SLC36A3: variants seen among roughly 807,000 people sequenced by gnomAD.
The protein encoded by SLC36A3 is proton-coupled amino acid transporter 3.
SLC36A3 carries 35 observed loss-of-function variants against 44.3 expected under a neutral mutation model. The observed-to-expected ratio is 0.79, with a 90% CI of 0.60 to 1.05. The LOEUF (loss-of-function observed/expected upper bound fraction) is 1.05, where lower values mean the gene tolerates loss of function less well. Among genes scored for constraint, SLC36A3 ranks in the 50% least tolerant of loss-of-function variants. The probability of loss-of-function intolerance (pLI) is 0.00; values close to 1 mark genes in which losing one functional copy is unlikely to be tolerated. For synonymous variants in SLC36A3, 211 were observed against 227.6 expected (o/e 0.93, Z 0.66); for missense variants, 540 against 578.7 (o/e 0.93, Z 0.69).
intron 6 of SLC36A3, among the ~76,000 whole-genome samples, chr5:151,286,384 A>G (rs1326391355): frequency 6.6e-6 from 1 of 152,160 alleles, no homozygotes; most frequent in East Asian, 1.9e-4. Flanking sequence ...CCTTGACCTC[A>G]TGGGCTCAGG....
chr5:151,281,691 A>G (rs910828331), intron 8 of SLC36A3, among the ~76,000 whole-genome samples: 3 of 151,960 alleles, frequency 2.0e-5, no homozygotes, highest in Admixed American at 1.3e-4. Flanking sequence ...GGTGGCATGC[A>G]CCTGTAGTCC....
At chr5:151,282,504 A>G (rs1048617943) in intron 8 of SLC36A3, among the ~76,000 whole-genome samples, 2 of 152,150 alleles carry the variant, frequency 1.3e-5, no homozygotes, top group African/African-American at 4.8e-5. Context: ...GTTCCCTGCC[A>G]GTACACATAG....
intron 6 of SLC36A3, among the ~76,000 whole-genome samples, chr5:151,286,610 T>C (rs373409200): frequency 6.6e-6 from 1 of 152,332 alleles, no homozygotes; most frequent in East Asian, 1.9e-4. Flanking sequence ...TTAGACCTAG[T>C]TGTTTCTTAA....
chr5:151,282,315 T>G (rs1754354620), intron 8 of SLC36A3, among the ~76,000 whole-genome samples: 1 of 151,696 alleles, frequency 6.6e-6, no homozygotes, highest in Non-Finnish European at 1.5e-5. Flanking sequence ...ATTACAGGCA[T>G]GCACCACCAT....
At chr5:151,281,319 A>G (rs927115975) in intron 8 of SLC36A3, 136 bp from the exon 9 acceptor site, 4 of 809,890 alleles carry the variant, frequency 4.9e-6, no homozygotes, top group Non-Finnish European at 7.7e-6. Context: ...TTCAAAATCC[A>G]AAACACTTCT....
intron 8 of SLC36A3, among the ~76,000 whole-genome samples, chr5:151,281,685 G>A (rs553891603): frequency 3.3e-5 from 5 of 152,248 alleles, no homozygotes; most frequent in African/African-American, 1.2e-4. Context: ...GGGCGTGGTG[G>A]CATGCACCTG....
In SLC36A3 at chr5:151,287,263, A is replaced by C. The variant is rs1754569309; in HGVS notation, c.691T>G (p.Phe231Val). 6.2e-7 allele frequency: 1 copy of C among 1,614,036 alleles called. No homozygotes were observed. The highest frequency in any genetic ancestry group is 8.5e-7 in the Non-Finnish European group (1 of 1,180,020). The stretch of plus-strand genomic sequence containing the variant: ...GCACAGACCTCCATGATATACTCAA[A>C]GATCAGAGCCATGCTCCCAAGGGTG... ...ITTLGSMALI[F>V]EYIMEGIPYP... Residue 231 changes from phenylalanine (F) to valine (V), a missense_variant, in exon 6 of 10, where the codon TTT (phenylalanine) becomes GTT (valine). Physicochemically the swap from Phe to Val is conservative, Grantham distance 50. Transcript: ENST00000335230.
intron 1 of SLC36A3, among the ~76,000 whole-genome samples, chr5:151,299,475 A>AC (rs1755100701): frequency 6.6e-6 from 1 of 151,572 alleles, no homozygotes; most frequent in Non-Finnish European, 1.5e-5. Context: ...TACTGTGCAT[A>AC]TAGAGTACTT....
intron 2 of SLC36A3, 117 bp from the exon 3 acceptor site, chr5:151,296,385 A>G: frequency 1.2e-6 from 1 of 814,072 alleles, no homozygotes. Context: ...TTGGGGTGAC[A>G]GACCCAGCCT....
chr5:151,281,087 G>A lies in SLC36A3; in HGVS notation c.1071C>T (p.Ala357=). The change falls in exon 9 of 10, where the codon GCC becomes GCT. Residue 357 remains alanine (A), a synonymous_variant. Coordinates refer to ENST00000335230, the MANE Select transcript of SLC36A3 (RefSeq NM_181774.4). ...CCCAGCTCTCTGACACTTGGGAGAT[G>A]GCAAACGGGATGATGATCTCAGCTG... ...HVPAEIIIPF[A]ISQVSESWAL... The A allele has an allele frequency of 6.2e-7, 1 of 1,614,180 alleles. No individual in the cohort carries two copies. Among genetic ancestry groups the A allele is most frequent in the Non-Finnish European group, 8.5e-7 (1 of 1,180,028 alleles).
At chr5:151,288,135 A>G (rs1174277254) in intron 5 of SLC36A3, among the ~76,000 whole-genome samples, 3 of 152,186 alleles carry the variant, frequency 2.0e-5, no homozygotes, top group Non-Finnish European at 4.4e-5. Context: ...AACAATTATC[A>G]TTGATTTCTG....
intron 3 of SLC36A3, among the ~76,000 whole-genome samples, chr5:151,295,358 A>G (rs1412032673): frequency 3.9e-5 from 6 of 152,250 alleles, no homozygotes; most frequent in African/African-American, 1.4e-4. Flanking sequence ...CGATAACCGC[A>G]GTGTAATTGC....
At chr5:151,299,740 G>T (rs976627715) in intron 1 of SLC36A3, among the ~76,000 whole-genome samples, 1 of 152,202 alleles carries the variant, frequency 6.6e-6, no homozygotes, top group Non-Finnish European at 1.5e-5. Flanking sequence ...ACTTTGGGAA[G>T]CCATTAGCTG....
intron 7 of SLC36A3, 68 bp from the exon 8 acceptor site, chr5:151,284,278 G>C: frequency 3.6e-4 from 475 of 1,317,458 alleles, no homozygotes; most frequent in Non-Finnish European, 4.6e-4. Flanking sequence ...GAAGGAGAGG[G>C]TTCCCGTACA....
At chr5:151,282,149 T>C (rs1438354595) in intron 8 of SLC36A3, among the ~76,000 whole-genome samples, 1 of 137,722 alleles carries the variant, frequency 7.3e-6, no homozygotes, top group Non-Finnish European at 1.6e-5. Context: ...AGACGGAGTT[T>C]CGCTTTTATT....
intron 8 of SLC36A3, 121 bp downstream of exon 8, chr5:151,283,923 A>G: frequency 7.1e-6 from 9 of 1,266,962 alleles, no homozygotes; most frequent in Non-Finnish European, 9.7e-6. Flanking sequence ...CAGGAGAGAC[A>G]TATGTCACTT....
intron 8 of SLC36A3, among the ~76,000 whole-genome samples, chr5:151,282,042 G>GCATACACATATGCA (rs1280287738): frequency 3.3e-5 from 5 of 149,360 alleles, no homozygotes; most frequent in African/African-American, 1.2e-4. Flanking sequence ...ACACACACAT[G>GCATACACATATGCA]CATACACATA....
At chr5:151,288,783 T>C (rs1236121607) in intron 4 of SLC36A3, 1 of 155,660 alleles carries the variant, frequency 6.4e-6, no homozygotes, top group Non-Finnish European at 1.4e-5. Flanking sequence ...GCAATTTTTT[T>C]CAGAATCATT....
chr5:151,277,913 C>A (rs1031793239), intron 9 of SLC36A3, among the ~76,000 whole-genome samples: 2 of 152,128 alleles, frequency 1.3e-5, no homozygotes, highest in African/African-American at 4.8e-5. Context: ...CTACCACTTA[C>A]CTGTTAATAA....
Sources: allele counts gnomAD v4.1 joint callset (sites outside exome capture counted in the v4.1 genomes callset), GRCh38; gene constraint gnomAD v4.1.1; transcripts MANE v1.5; gene names NCBI Gene and HGNC (gene_info 2026-07-23, HGNC 2026-07-21).